ANKLE2: variants seen among roughly 807,000 people sequenced by gnomAD.
ANKLE2 encodes the protein ankyrin repeat and LEM domain-containing protein 2.
A neutral mutation model predicts 84.2 loss-of-function variants in ANKLE2; 55 were observed. The observed-to-expected ratio is 0.65, with a 90% CI of 0.53 to 0.82. The LOEUF (loss-of-function observed/expected upper bound fraction) is 0.82, where lower values mean the gene tolerates loss of function less well. ANKLE2 is among the 40% of genes least tolerant of loss of function. ANKLE2 has a pLI of 0.00. For missense variants in ANKLE2, 1,238 were observed against 1,201.9 expected (o/e 1.03, Z -0.44); for synonymous variants, 551 against 486.1 (o/e 1.13, Z -1.76).
In ANKLE2 at chr12:132,748,342, G is replaced by C; in HGVS notation, c.848-11C>G. The C allele has an allele frequency of 6.2e-7, 1 of 1,613,632 alleles. No homozygotes were observed. The stretch of plus-strand genomic sequence containing the variant: ...ACAAGCACAAACCATCTGTCAGTAA[G>C]AGACAGAATTTAAGAACAATCAGTT... On this transcript the variant is annotated splice_polypyrimidine_tract_variant and intron_variant, in intron 3 of 12. Coordinates refer to ENST00000357997, the MANE Select transcript of ANKLE2 (RefSeq NM_015114.3).
At chr12:132,758,919 G>GTATCAGTGTGCAAGTTTAA (rs1566041394) in intron 1 of ANKLE2, 5 of 145,818 alleles carry the variant, frequency 3.4e-5, no homozygotes, top group African/African-American at 1.3e-4. Context: ...GCACCCCGGG[G>GTATCAGTGTGCAAGTTTAA]CACCCACGTG....
At position 132,730,188 on chromosome 12, in the gene ANKLE2, A is replaced by T. The variant is rs1490492103; in HGVS notation, c.1974T>A (p.Ala658=). 6.2e-7 allele frequency: 1 copy of T among 1,602,920 alleles called. No individual in the cohort carries two copies. Among genetic ancestry groups the T allele is most frequent in the Non-Finnish European group, 8.5e-7 (1 of 1,174,474 alleles). Reference sequence around the variant, plus strand: ...CGACTGTGGGCGGGCTGTTATTTCGAGCTGCATTTTGCCGATTTTTTATTT... The same window carrying T: ...CGACTGTGGGCGGGCTGTTATTTCGTGCTGCATTTTGCCGATTTTTTATTT... ...LEEIKNRQNA[A]RNNSPPTVGA... is the part of the protein sequence containing the mutation. Residue 658 remains alanine (A), a synonymous_variant, in exon 11 of 13, where the codon GCT becomes GCA. Coordinates refer to ENST00000357997, the MANE Select transcript of ANKLE2 (RefSeq NM_015114.3).
chr12:132,734,263 G>A (rs1437203705), intron 10 of ANKLE2, 122 bp downstream of exon 10: 11 of 1,082,936 alleles, frequency 1.0e-5, no homozygotes, highest in South Asian at 2.9e-5. Context: ...CTAACCTAAG[G>A]GAAAGTACCA....
chr12:132,735,408 T>C lies in ANKLE2; in HGVS notation c.1698A>G (p.Gly566=), dbSNP rs986886311. The part of the protein sequence containing the change: ...SDPERGFERV[G]RELAHELGYP... ...GCTGCGGCTCAGCCTTTCAGTACCT[T>C]CCCACTCTCTCAAAGCCTCTTTCCG... Residue 566 remains glycine, a splice_region_variant and synonymous_variant, in exon 9 of 13, where the codon GGA becomes GGG. Transcript: ENST00000357997. The C allele has an allele frequency of 2.5e-6, 4 of 1,613,844 alleles. No individual in the cohort carries two copies. The highest frequency in any genetic ancestry group is 3.3e-5 in the Admixed American group (2 of 60,000).
In ANKLE2 at chr12:132,754,665, G is replaced by A. The variant is rs987006292; in HGVS notation, c.640+10C>T. On this transcript the variant is annotated intron_variant, in intron 2 of 12. Transcript: ENST00000357997. ...TCTGTGTGAGGAAATCCTACACACGGTCCCATTACCATTTCTCGCTGGGAC... is the reference window on the plus strand; with the variant it reads ...TCTGTGTGAGGAAATCCTACACACGATCCCATTACCATTTCTCGCTGGGAC... 3 of 1,591,716 alleles carry A rather than the reference G, an allele frequency of 1.9e-6. No individual in the cohort carries two copies. The highest frequency in any genetic ancestry group is 1.3e-5 in the African/African-American group (1 of 74,074).
At position 132,743,926 on chromosome 12, in the gene ANKLE2, G is replaced by C. The variant is rs7974105; in HGVS notation, c.1231-650C>G. Among the ~76,000 whole-genome samples the C allele has an allele frequency of 0.54, 82,492 of 151,982 alleles. 22,607 individuals are homozygous for C. Among genetic ancestry groups the C allele is most frequent in the Non-Finnish European group, 0.57 (38,855 of 67,942 alleles). On this transcript the variant is annotated intron_variant, in intron 5 of 12. Transcript: ENST00000357997. The surrounding 1 kb of genome is among the most constrained non-coding windows in gnomAD (Gnocchi z 4.1). Reference sequence around the variant, plus strand: ...GACCACAACCAGAATAAAGCAAAGCGCACGAATTTGGTCTGTACTCAAAGA... The same window carrying C: ...GACCACAACCAGAATAAAGCAAAGCCCACGAATTTGGTCTGTACTCAAAGA...
chr12:132,730,035 C>A lies in ANKLE2; in HGVS notation c.2127G>T (p.Arg709Ser). Reference sequence around the variant, plus strand: ...CCTTTGGTCTCTTGCCCGCCAGGGTCCTGCTGTGATTCAGAGGATGGCAGA... The same window carrying A: ...CCTTTGGTCTCTTGCCCGCCAGGGTACTGCTGTGATTCAGAGGATGGCAGA... ...NGLCHPLNHS[R>S]TLAGKRPKAP... The change falls in exon 11 of 13, where the codon AGG becomes AGT. Residue 709 changes from arginine to serine, a missense_variant. Around this residue, in one of 3 missense-constraint regions of ANKLE2, gnomAD observed 802 missense variants for 774.5 expected, o/e 1.04. Coordinates refer to ENST00000357997, the MANE Select transcript of ANKLE2 (RefSeq NM_015114.3). 3.1e-6 allele frequency: 5 copies of A among 1,613,210 alleles called. No individual in the cohort carries two copies. The highest frequency in any genetic ancestry group is 4.2e-6 in the Non-Finnish European group (5 of 1,179,880).
rs1433434442 is a variant in ANKLE2 at position 132,754,788 on chromosome 12, C to T, written c.527G>A (p.Cys176Tyr). Residue 176 changes from cysteine (C) to tyrosine (Y), a missense_variant, in exon 2 of 13, where the codon TGC becomes TAC. Coordinates refer to ENST00000357997, the MANE Select transcript of ANKLE2 (RefSeq NM_015114.3). Reference sequence around the variant, plus strand: ...GTCGGTGTCACTAGGGGGCACCGAGCAGGTCTTGGATGTCACAGCTTCCTC... The same window carrying T: ...GTCGGTGTCACTAGGGGGCACCGAGTAGGTCTTGGATGTCACAGCTTCCTC... ...PEEEAVTSKT[C>Y]SVPPSDTDTY... The T allele has an allele frequency of 6.2e-7, 1 of 1,614,110 alleles. No homozygotes were observed. The highest frequency in any genetic ancestry group is 1.3e-5 in the African/African-American group (1 of 75,008).
intron 7 of ANKLE2, chr12:132,738,815 C>T (rs1272232881): frequency 6.6e-6 from 1 of 152,242 alleles, no homozygotes; most frequent in Non-Finnish European, 1.5e-5. Context: ...TGAGCCACCG[C>T]ACCCGGCTGC....
Position 132,732,890 on chromosome 12 carries a change from G to T in ANKLE2, c.1891+1495C>A, listed in dbSNP as rs548673915. Among the ~76,000 whole-genome samples, 195 of 144,482 alleles carry T rather than the reference G, an allele frequency of 1.3e-3. 8 individuals carry two copies. The highest frequency in any genetic ancestry group is 2.6e-3 in the Non-Finnish European group (167 of 65,330). 94.8% of individuals were successfully genotyped at this position (144,482 alleles called of 152,430 possible). A position where few individuals can be genotyped will look rare whatever the true frequency, so the allele number is the denominator to read the frequency against. On this transcript the variant is annotated intron_variant, in intron 10 of 12. Coordinates refer to ENST00000357997, the MANE Select transcript of ANKLE2 (RefSeq NM_015114.3). Reference sequence around the variant, plus strand: ...TGAAGCGCTCTGCATCCTGGTGTCTGAAATGCACCGTGTGAAGCGCTCTGC... The same window carrying T: ...TGAAGCGCTCTGCATCCTGGTGTCTTAAATGCACCGTGTGAAGCGCTCTGC...
intron 7 of ANKLE2, 101 bp downstream of exon 7, chr12:132,741,318 C>G: frequency 8.3e-7 from 1 of 1,200,782 alleles, no homozygotes; most frequent in Non-Finnish European, 1.2e-6. Flanking sequence ...CCGGCACACG[C>G]CCGGGGAGCT....
chr12:132,735,339 CT>C, intron 9 of ANKLE2, 66 bp downstream of exon 9: 1 of 1,409,394 alleles, frequency 7.1e-7, no homozygotes, highest in Non-Finnish European at 1.0e-6. Context: ...GTGATTTGAC[CT>C]TCTGTCATTA....
intron 10 of ANKLE2, among the ~76,000 whole-genome samples, chr12:132,732,491 GCTCT>G (rs746144211): frequency 6.9e-6 from 1 of 145,738 alleles, no homozygotes; most frequent in Non-Finnish European, 1.5e-5. Flanking sequence ...ACCGTGTGAA[GCTCT>G]CTGAGTGCTG....
At chr12:132,753,330 AAAC>A (rs2044400327) in intron 2 of ANKLE2, among the ~76,000 whole-genome samples, 1 of 152,006 alleles carries the variant, frequency 6.6e-6, no homozygotes, top group Non-Finnish European at 1.5e-5. Flanking sequence ...TCAAAAAAAA[AAAC>A]CACCAAAAAC....
At chr12:132,747,353 C>CCT (rs959595165) in intron 5 of ANKLE2, among the ~76,000 whole-genome samples, 1 of 147,486 alleles carries the variant, frequency 6.8e-6, no homozygotes, top group Admixed American at 6.7e-5. Context: ...TGTCAGGCAG[C>CCT]CTCTCTCTCT....
In ANKLE2 at chr12:132,754,898, C is replaced by T. The variant is rs531579478; in HGVS notation, c.417G>A (p.Lys139=). The change falls in exon 2 of 13, where the codon AAG becomes AAA. Residue 139 remains lysine, a synonymous_variant. Transcript: ENST00000357997. ...GATCAGTTGGGTTCCCTTCAGCTGG[C>T]TTCAAAATCCTTTGTGGGTCCTGGC... The part of the protein sequence containing the change: ...ALSQDPQRIL[K]PAEGNPTDQA... 3.7e-6 allele frequency: 6 copies of T among 1,614,214 alleles called. No individual in the cohort carries two copies. In the South Asian group the frequency reaches 5.5e-5, roughly 15 times the overall value.
chr12:132,759,132 CCGGGG>C (rs1253659813), intron 1 of ANKLE2: 6 of 71,428 alleles, frequency 8.4e-5, no homozygotes, highest in African/African-American at 3.8e-4. Flanking sequence ...GAGTGGCACC[CCGGGG>C]CACCCACGTG....
At chr12:132,752,926 G>A (rs1189814364) in intron 2 of ANKLE2, among the ~76,000 whole-genome samples, 1 of 151,804 alleles carries the variant, frequency 6.6e-6, no homozygotes, top group African/African-American at 2.4e-5. Context: ...GGGAGGCTCA[G>A]GTGGGAGGAC....
rs780394140 is a variant in ANKLE2, at chr12:132,735,529, A to G, written c.1594-17T>C. The G allele has an allele frequency of 1.2e-6, 2 of 1,606,526 alleles. No individual in the cohort carries two copies. Among genetic ancestry groups the G allele is most frequent in the Admixed American group, 3.4e-5 (2 of 58,996 alleles). The stretch of plus-strand genomic sequence containing the variant: ...ATCTTCTGCCTATGAAGAAAAAAAA[A>G]TGTATTGAGCCGTGTCAGGCACTGC... On this transcript the variant is annotated splice_polypyrimidine_tract_variant and intron_variant, in intron 8 of 12. Transcript: ENST00000357997.
Sources: allele counts gnomAD v4.1 joint callset (sites outside exome capture counted in the v4.1 genomes callset), GRCh38; gene constraint gnomAD v4.1.1; regional missense constraint gnomAD v4.1.1; non-coding constraint Gnocchi (gnomAD v3.1); transcripts MANE v1.5; gene names NCBI Gene and HGNC (gene_info 2026-07-23, HGNC 2026-07-21).